Variants in P2RY12 observed in about 807,000 individuals in gnomAD.
The protein encoded by P2RY12 is P2Y purinoceptor 12.
Under a neutral mutation model 4.5 loss-of-function variants are expected in P2RY12, and 3 were observed. The observed-to-expected ratio is 0.67, with a 90% CI of 0.31 to 1.74. The LOEUF (loss-of-function observed/expected upper bound fraction) is 1.74, where lower values mean the gene tolerates loss of function less well. P2RY12 is among the 40% of genes most tolerant of loss of function. The probability of loss-of-function intolerance (pLI) is 0.09; values close to 1 mark genes in which losing one functional copy is unlikely to be tolerated. For synonymous variants in P2RY12, 148 were observed against 154.1 expected (o/e 0.96, Z 0.29); for missense variants, 356 against 407.8 (o/e 0.87, Z 1.09).
At chr3:151,373,248 C>T (rs537059236) in intron 1 of P2RY12, among the ~76,000 whole-genome samples, 8 of 152,094 alleles carry the variant, frequency 5.3e-5, no homozygotes, top group Non-Finnish European at 1.2e-4. Context: ...TTATGCATCC[C>T]TGGCCAAGAT....
chr3:151,375,988 G>A (rs538332514), intron 1 of P2RY12: 6 of 1,031,832 alleles, frequency 5.8e-6, no homozygotes, highest in Non-Finnish European at 8.0e-6. Context: ...TATACCGAAA[G>A]CCAGTGCCTG....
intron 1 of P2RY12, chr3:151,350,037 G>T: frequency 6.2e-7 from 1 of 1,600,848 alleles, no homozygotes; most frequent in Non-Finnish European, 8.5e-7. Flanking sequence ...AAGAGTTTCA[G>T]AATGCATTTT....
intron 1 of P2RY12, chr3:151,377,165 A>C (rs770548081): frequency 1.2e-6 from 2 of 1,609,214 alleles, no homozygotes; most frequent in African/African-American, 1.3e-5. Context: ...GAATGGAATA[A>C]AGACATTCCT....
At chr3:151,366,713 T>C (rs1755328624) in intron 1 of P2RY12, among the ~76,000 whole-genome samples, 1 of 152,214 alleles carries the variant, frequency 6.6e-6, no homozygotes, top group Admixed American at 6.5e-5. Context: ...TGAATTCTGC[T>C]AATCAGGACT....
At chr3:151,357,418 A>G (rs535140748) in intron 1 of P2RY12, 7 of 1,511,988 alleles carry the variant, frequency 4.6e-6, no homozygotes, top group Middle Eastern at 1.9e-4. Context: ...CAATCTCAGA[A>G]TGTATAACTA....
intron 1 of P2RY12, among the ~76,000 whole-genome samples, chr3:151,345,517 C>CTTTTTTTTTTTTTTTTTTTTTTTT (rs201731496): frequency 7.6e-6 from 1 of 131,654 alleles, no homozygotes; most frequent in Non-Finnish European, 1.6e-5. Flanking sequence ...TTTTCTTTTT[C>CTTTTTTTTTTTTTTTTTTTTTTTT]TTTTTTTTTT....
chr3:151,368,345 C>T, intron 1 of P2RY12: 1 of 1,135,358 alleles, frequency 8.8e-7, no homozygotes. Flanking sequence ...TAATTGCCTT[C>T]TTAATTTTTT....
intron 1 of P2RY12, chr3:151,355,308 G>C: frequency 9.8e-7 from 1 of 1,022,820 alleles, no homozygotes; most frequent in Non-Finnish European, 1.5e-6. Context: ...TTTTCATGCA[G>C]TATATTTTCT....
chr3:151,362,933 T>G (rs901187489), intron 1 of P2RY12, among the ~76,000 whole-genome samples: 2 of 152,128 alleles, frequency 1.3e-5, no homozygotes, highest in African/African-American at 4.8e-5. Flanking sequence ...CATTTCAGCT[T>G]ACATTTTTCA....
intron 1 of P2RY12, among the ~76,000 whole-genome samples, chr3:151,373,571 T>C (rs936154152): frequency 1.3e-4 from 20 of 151,906 alleles, no homozygotes; most frequent in Non-Finnish European, 2.5e-4. Context: ...TTTTTTTTTT[T>C]CCCCAACTTC....
At chr3:151,380,376 C>G in intron 1 of P2RY12, 1 of 519,136 alleles carries the variant, frequency 1.9e-6, no homozygotes, top group Non-Finnish European at 3.3e-6. Context: ...GCTGGTGGAT[C>G]ACCTGAGGCC....
chr3:151,382,993 A>G (rs1250318953), intron 1 of P2RY12, among the ~76,000 whole-genome samples: 1 of 152,144 alleles, frequency 6.6e-6, no homozygotes, highest in Non-Finnish European at 1.5e-5. Flanking sequence ...CCTCTACCCC[A>G]GTGAATCTCT....
In P2RY12 at chr3:151,355,245, T is replaced by C. The variant is rs7615865; in HGVS notation, c.-179-14485A>G. The C allele has an allele frequency of 0.7, 1,114,657 of 1,590,704 alleles. 395,713 individuals carry two copies. The highest frequency in any genetic ancestry group is 0.92 in the African/African-American group (68,735 of 74,392). On this transcript the variant is annotated intron_variant, in intron 1 of 2. Transcript: ENST00000302632. ...AACATCAAGTGACATCTCAGGTAGC[T>C]ATTTAAAGCTGTTTATTATGCATTT... is the stretch of plus-strand genomic sequence containing the variant.
At chr3:151,365,937 T>A in intron 1 of P2RY12, 1 of 1,613,498 alleles carries the variant, frequency 6.2e-7, no homozygotes, top group Non-Finnish European at 8.5e-7. Context: ...TGAAGGCTCT[T>A]TGTTGTTCTT....
At chr3:151,355,133 G>A (rs1393364363) in intron 1 of P2RY12, 1 of 1,613,608 alleles carries the variant, frequency 6.2e-7, no homozygotes, top group South Asian at 1.1e-5. Context: ...GGGGACGAAG[G>A]ACAAAAAGCC....
At chr3:151,341,712 A>T (rs1461110654) in intron 1 of P2RY12, among the ~76,000 whole-genome samples, 2 of 151,784 alleles carry the variant, frequency 1.3e-5, no homozygotes, top group African/African-American at 4.8e-5. Context: ...TATCTCCTAA[A>T]GCTATCCCTC....
intron 1 of P2RY12, chr3:151,360,507 C>T (rs756617670): frequency 1.2e-6 from 2 of 1,612,896 alleles, no homozygotes; most frequent in Non-Finnish European, 1.7e-6. Context: ...TCGTAAACCC[C>T]TCAGAATGTT....
At chr3:151,349,508 T>G (rs1436047489) in intron 1 of P2RY12, among the ~76,000 whole-genome samples, 1 of 152,174 alleles carries the variant, frequency 6.6e-6, no homozygotes, top group Non-Finnish European at 1.5e-5. Flanking sequence ...GGTCTTGAGC[T>G]CCTGTCCTCA....
intron 1 of P2RY12, chr3:151,369,386 A>C (rs776676059): frequency 7.9e-7 from 1 of 1,272,354 alleles, no homozygotes; most frequent in Non-Finnish European, 1.1e-6. Flanking sequence ...TAATTACAAA[A>C]CATTACTAAT....
Sources: allele counts gnomAD v4.1 joint callset (sites outside exome capture counted in the v4.1 genomes callset), GRCh38; gene constraint gnomAD v4.1.1; transcripts MANE v1.5; gene names NCBI Gene and HGNC (gene_info 2026-07-23, HGNC 2026-07-21).